Variants in MAPK10 observed in about 807,000 individuals in gnomAD.
The protein encoded by MAPK10 is JNK3 alpha protein kinase.
Under a neutral mutation model 59.3 loss-of-function variants are expected in MAPK10, and 25 were observed. The observed-to-expected ratio is 0.42, with a 90% CI of 0.31 to 0.59. The LOEUF is 0.59. MAPK10 is among the 20% of genes least tolerant of loss of function. MAPK10 has a pLI of 0.15. For synonymous variants in MAPK10, 190 were observed against 200.5 expected, an observed-to-expected ratio of 0.95 and a Z score of 0.44; for missense variants, 351 against 568.9, an observed-to-expected ratio of 0.62 and a Z score of 3.90.
intron 2 of MAPK10, among the ~76,000 whole-genome samples, chr4:86,319,046 G>C (rs188674017): frequency 6.6e-6 from 1 of 152,212 alleles, no homozygotes. Flanking sequence ...TAGCAGAAGG[G>C]ACCAACACTC....
At chr4:86,229,720 A>G (rs2148661150) in intron 2 of MAPK10, among the ~76,000 whole-genome samples, 1 of 152,136 alleles carries the variant, frequency 6.6e-6, no homozygotes, top group African/African-American at 2.4e-5. Context: ...ATTTTATGAA[A>G]AAAAAAATCC....
intron 3 of MAPK10, among the ~76,000 whole-genome samples, chr4:86,172,027 C>T (rs1432121023): frequency 7.1e-6 from 1 of 141,434 alleles, no homozygotes. Context: ...CAATGAGATA[C>T]CATCTCACAC....
chr4:86,346,746 AAAAAAACACATCTAAGTGGACCC>A (rs1009290324), intron 2 of MAPK10, among the ~76,000 whole-genome samples: 4 of 151,884 alleles, frequency 2.6e-5, no homozygotes, highest in African/African-American at 9.7e-5. Flanking sequence ...AAAAAAAAAA[AAAAAAACACATCTAAGTGGACCC>A]ACACAGTTTA....
At chr4:86,399,652 AACTC>A (rs1293805309) in intron 1 of MAPK10, 1 of 152,210 alleles carries the variant, frequency 6.6e-6, no homozygotes, top group Non-Finnish European at 1.5e-5. Flanking sequence ...TCATGCAACA[AACTC>A]ACTACTGAGC....
chr4:86,068,481 T>C (rs1170590694), intron 9 of MAPK10, among the ~76,000 whole-genome samples: 1 of 152,132 alleles, frequency 6.6e-6, no homozygotes, highest in Non-Finnish European at 1.5e-5. Context: ...TTTATGCATA[T>C]CAACATAACT....
At chr4:86,386,647 C>T (rs967014190) in intron 1 of MAPK10, among the ~76,000 whole-genome samples, 2 of 151,970 alleles carry the variant, frequency 1.3e-5, no homozygotes, top group East Asian at 1.9e-4. Context: ...TTTACTGGCC[C>T]CCTTGAAACT....
chr4:86,303,854 T>A (rs1339780325), intron 2 of MAPK10, among the ~76,000 whole-genome samples: 3 of 152,214 alleles, frequency 2.0e-5, no homozygotes, highest in African/African-American at 7.2e-5. Flanking sequence ...CAGATAAGAA[T>A]CATCTGCACT....
upstream of MAPK10, chr4:86,453,299 GGAA>G (rs1053742993): frequency 9.8e-5 from 15 of 152,584 alleles, no homozygotes; most frequent in Admixed American, 2.6e-4. Flanking sequence ...AACAGAGCAG[GGAA>G]GAAGGAGAGC....
intron 1 of MAPK10, among the ~76,000 whole-genome samples, chr4:86,486,627 A>T (rs1402859727): frequency 6.6e-6 from 1 of 152,226 alleles, no homozygotes; most frequent in East Asian, 1.9e-4. Context: ...AAAATATGGC[A>T]TGAGGTTAGG....
intron 2 of MAPK10, among the ~76,000 whole-genome samples, chr4:86,249,029 C>A (rs1414026981): frequency 6.6e-6 from 1 of 152,024 alleles, no homozygotes; most frequent in African/African-American, 2.4e-5. Flanking sequence ...ATCAGCAAAC[C>A]AAAATAATAA....
At chr4:86,153,910 CA>C (rs1562402329) in intron 4 of MAPK10, among the ~76,000 whole-genome samples, 1 of 151,882 alleles carries the variant, frequency 6.6e-6, no homozygotes, top group Non-Finnish European at 1.5e-5. Context: ...ATTAAGGGTC[CA>C]AAATTTTAAA....
chr4:86,320,272 T>C lies in MAPK10; in HGVS notation c.-7+34258A>G, dbSNP rs2095864071. 1.3e-5 allele frequency among the ~76,000 whole-genome samples: 2 copies of C among 152,210 alleles called. 1 individual carries two copies. Among genetic ancestry groups the C allele is most frequent in the South Asian group, 4.1e-4 (2 of 4,834 alleles). On this transcript the variant is annotated intron_variant, in intron 2 of 13. Coordinates refer to ENST00000641462, the MANE Select transcript of MAPK10 (RefSeq NM_138982.4). ...CTCCCAATCTATAGTTCAGAAATTA[T>C]GAGATCAAAGAGATAAGGTTCCACT...
At chr4:86,307,583 G>A (rs2095593046) in intron 2 of MAPK10, among the ~76,000 whole-genome samples, 1 of 152,104 alleles carries the variant, frequency 6.6e-6, no homozygotes, top group Admixed American at 6.5e-5. Context: ...ATTTTAAAAG[G>A]TGGAAATGAG....
chr4:86,161,296 A>T (rs183999953), intron 3 of MAPK10, among the ~76,000 whole-genome samples: 1 of 152,230 alleles, frequency 6.6e-6, no homozygotes, highest in African/African-American at 2.4e-5. Flanking sequence ...ATTAAACAAG[A>T]CTATTAAAAA....
intron 1 of MAPK10, among the ~76,000 whole-genome samples, chr4:86,414,443 T>C (rs1263053775): frequency 6.6e-6 from 1 of 152,156 alleles, no homozygotes; most frequent in Non-Finnish European, 1.5e-5. Flanking sequence ...GGCACACCAA[T>C]CTCTACTTTT....
intron 1 of MAPK10, among the ~76,000 whole-genome samples, chr4:86,464,274 G>A (rs61344492): frequency 0.07 from 10,697 of 152,286 alleles, 586 homozygotes; most frequent in African/African-American, 0.14. Flanking sequence ...TGCTAAGAAT[G>A]TTTTTACAGA....
intron 2 of MAPK10, among the ~76,000 whole-genome samples, chr4:86,287,720 A>G (rs1438972389): frequency 6.6e-6 from 1 of 152,174 alleles, no homozygotes; most frequent in Non-Finnish European, 1.5e-5. Flanking sequence ...AAACCCAATC[A>G]CTACCAGAAA....
At chr4:86,168,897 G>C (rs190999168) in intron 3 of MAPK10, among the ~76,000 whole-genome samples, 17 of 152,214 alleles carry the variant, frequency 1.1e-4, no homozygotes, top group Admixed American at 9.2e-4. Flanking sequence ...AGCAGCATTC[G>C]CGGTTCACAA....
intron 1 of MAPK10, among the ~76,000 whole-genome samples, chr4:86,467,613 G>A (rs1358577141): frequency 6.6e-5 from 10 of 152,212 alleles, no homozygotes; most frequent in Non-Finnish European, 1.0e-4. Flanking sequence ...TCCGCCTCCC[G>A]GGTTCAAGCG....
Sources: allele counts gnomAD v4.1 joint callset (sites outside exome capture counted in the v4.1 genomes callset), GRCh38; gene constraint gnomAD v4.1.1; transcripts MANE v1.5; gene names NCBI Gene and HGNC (gene_info 2026-07-23, HGNC 2026-07-21).